ZNF799: variants seen among roughly 807,000 people sequenced by gnomAD.
The protein encoded by ZNF799 is zinc finger protein 14.
Under a neutral mutation model 41.0 loss-of-function variants are expected in ZNF799, and 28 were observed. The observed-to-expected ratio is 0.68, with a 90% CI of 0.51 to 0.94. The LOEUF (loss-of-function observed/expected upper bound fraction) is 0.94, where lower values mean the gene tolerates loss of function less well. Among genes scored for constraint, ZNF799 ranks in the 40% least tolerant of loss-of-function variants. ZNF799 has a pLI of 0.00. For synonymous variants in ZNF799, 213 were observed against 252.9 expected, an observed-to-expected ratio of 0.84 and a Z score of 1.50; for missense variants, 716 against 764.3, an observed-to-expected ratio of 0.94 and a Z score of 0.74.
At chr19:12,409,184 T>C in the ZNF799 span, among the ~76,000 whole-genome samples, 8 of 143,450 alleles carry the variant, frequency 5.6e-5, no homozygotes, top group Admixed American at 4.3e-4. Flanking sequence ...AGGCATTAGA[T>C]TCTCATAAGG....
At chr19:12,393,511 G>C (rs559435969) in intron 1 of ZNF799, 88 bp from the exon 2 acceptor site, 7 of 1,243,630 alleles carry the variant, frequency 5.6e-6, no homozygotes, top group Non-Finnish European at 7.4e-6. Flanking sequence ...ACATGATGCT[G>C]TGGTTTCCAA....
At chr19:12,414,213 CT>C in the ZNF799 span, among the ~76,000 whole-genome samples, 1 of 152,156 alleles carries the variant, frequency 6.6e-6, no homozygotes, top group Non-Finnish European at 1.5e-5. Flanking sequence ...GTCCTGCCCC[CT>C]GGGGAACTCA....
intron 3 of ZNF799, 36 bp downstream of exon 3, chr19:12,392,567 C>A (rs1969840884): frequency 5.2e-6 from 8 of 1,524,856 alleles, no homozygotes; most frequent in Non-Finnish European, 6.3e-6. Flanking sequence ...CAGAACGGCT[C>A]CAGGGACATA....
chr19:12,409,485 T>G, the ZNF799 span, among the ~76,000 whole-genome samples: 1 of 152,204 alleles, frequency 6.6e-6, no homozygotes, highest in Admixed American at 6.5e-5. Context: ...CAATAATTGA[T>G]CAATTGAGTA....
intron 1 of ZNF799, among the ~76,000 whole-genome samples, chr19:12,399,496 T>C (rs942523432): frequency 2.6e-5 from 4 of 151,364 alleles, no homozygotes; most frequent in Admixed American, 1.3e-4. Context: ...TTTACAGGAA[T>C]TATATACCAG....
At chr19:12,393,606 T>G in intron 1 of ZNF799, 183 bp from the exon 2 acceptor site, 1 of 1,458,960 alleles carries the variant, frequency 6.9e-7, no homozygotes. Context: ...GAAGCTACAG[T>G]TAAACATGTT....
At chr19:12,400,754 C>T (rs182898086) in intron 1 of ZNF799, 2 of 554,058 alleles carry the variant, frequency 3.6e-6, no homozygotes, top group Admixed American at 3.4e-5. Context: ...CTCAGCGTCT[C>T]GGTGCAGTGA....
At chr19:12,414,839 T>C in the ZNF799 span, among the ~76,000 whole-genome samples, 5 of 152,098 alleles carry the variant, frequency 3.3e-5, no homozygotes, top group African/African-American at 1.2e-4. Flanking sequence ...AAACTCTGAC[T>C]CCTGAAACAA....
chr19:12,404,154 C>A (rs1259408216), upstream of ZNF799, among the ~76,000 whole-genome samples: 1 of 152,026 alleles, frequency 6.6e-6, no homozygotes, highest in African/African-American at 2.4e-5. Flanking sequence ...TTAAGACATG[C>A]TTTTTGAACT....
At chr19:12,392,741 C>CA in intron 2 of ZNF799, 78 bp from the exon 3 acceptor site, 2 of 1,172,930 alleles carry the variant, frequency 1.7e-6, no homozygotes, top group Non-Finnish European at 2.5e-6. Flanking sequence ...ATGTACACTG[C>CA]AATCGTTCAA....
the ZNF799 span, among the ~76,000 whole-genome samples, chr19:12,410,563 A>C: frequency 2.0e-5 from 3 of 152,128 alleles, no homozygotes; most frequent in Non-Finnish European, 4.4e-5. Flanking sequence ...CATTTTGAGA[A>C]ACTAAAGAAA....
At chr19:12,405,448 C>G (rs951311123), upstream of ZNF799, among the ~76,000 whole-genome samples, 1 of 152,190 alleles carries the variant, frequency 6.6e-6, no homozygotes, top group African/African-American at 2.4e-5. Context: ...CTGGCTGATC[C>G]CTAGGTTTAA....
At position 12,391,881 on chromosome 19, in the gene ZNF799, C is replaced by CT; in HGVS notation, c.516dup (p.Glu173ArgfsTer26). ...AAAGAACTGAAGGACTTCCCACATT[C>CT]TTTACAATTATATGGTTTCTTTCCA... On this transcript the variant is annotated frameshift_variant, in exon 4 of 4. Coordinates refer to ENST00000430385, the MANE Select transcript of ZNF799 (RefSeq NM_001080821.3). LOFTEE classifies it low-confidence loss of function (END_TRUNC). 1 of 1,614,164 alleles carries CT rather than the reference C, an allele frequency of 6.2e-7. No homozygotes were observed. Among genetic ancestry groups the CT allele is most frequent in the South Asian group, 1.1e-5 (1 of 91,086 alleles).
chr19:12,396,111 C>T (rs1386919161), intron 1 of ZNF799, among the ~76,000 whole-genome samples: 2 of 152,152 alleles, frequency 1.3e-5, no homozygotes, highest in African/African-American at 4.8e-5. Context: ...CCCATTATAA[C>T]ATTGAGATGT....
chr19:12,408,571 AT>A, the ZNF799 span, among the ~76,000 whole-genome samples: 5 of 152,244 alleles, frequency 3.3e-5, no homozygotes, highest in African/African-American at 1.2e-4. Context: ...AATATATGCC[AT>A]TTTAGCCCTA....
At chr19:12,395,272 G>C (rs982966542) in intron 1 of ZNF799, among the ~76,000 whole-genome samples, 2 of 151,550 alleles carry the variant, frequency 1.3e-5, no homozygotes, top group Non-Finnish European at 2.9e-5. Flanking sequence ...CTCCTGAGTA[G>C]CTGGGAGTAC....
At chr19:12,412,887 A>G in the ZNF799 span, among the ~76,000 whole-genome samples, 1 of 151,776 alleles carries the variant, frequency 6.6e-6, no homozygotes, top group Non-Finnish European at 1.5e-5. Context: ...TAAAAATAGA[A>G]AATTAGCCAG....
upstream of ZNF799, among the ~76,000 whole-genome samples, chr19:12,401,893 A>G (rs1969995443): frequency 6.6e-6 from 1 of 152,022 alleles, no homozygotes; most frequent in African/African-American, 2.4e-5. Flanking sequence ...CTCTTTTTCA[A>G]TGAAATTTTT....
upstream of ZNF799, among the ~76,000 whole-genome samples, chr19:12,401,885 CT>C (rs1294476380): frequency 6.7e-6 from 1 of 149,412 alleles, no homozygotes; most frequent in Non-Finnish European, 1.5e-5. Flanking sequence ...CAATTATACT[CT>C]TTTTCAATGA....
Sources: gnomAD v4.1 joint callset for allele counts (sites outside exome capture counted in the v4.1 genomes callset) on GRCh38, gnomAD v4.1.1 for gene constraint, MANE v1.5 for transcripts, NCBI Gene and HGNC (gene_info 2026-07-23, HGNC 2026-07-21) for gene names.